EPHB1: variants seen among roughly 807,000 people sequenced by gnomAD.
The protein encoded by EPHB1 is EPH receptor B1.
Under a neutral mutation model 94.4 loss-of-function variants are expected in EPHB1, and 30 were observed. The observed-to-expected ratio is 0.32, with a 90% CI of 0.24 to 0.43. The LOEUF (loss-of-function observed/expected upper bound fraction) is 0.43. EPHB1 is among the 20% of genes least tolerant of loss of function. The pLI is 1.00. For missense variants in EPHB1, 1,055 were observed against 1,308.3 expected, an observed-to-expected ratio of 0.81 and a Z score of 2.99; for synonymous variants, 522 against 489.1, an observed-to-expected ratio of 1.07 and a Z score of -0.89.
chr3:135,211,830 A>G (rs2107716463), intron 12 of EPHB1, among the ~76,000 whole-genome samples: 1 of 152,014 alleles, frequency 6.6e-6, no homozygotes, highest in East Asian at 1.9e-4. Flanking sequence ...CCCCAAATTT[A>G]TCCTGTTTGA....
chr3:135,024,359 G>C lies in EPHB1; in HGVS notation c.805+72307G>C, dbSNP rs2107755998. On this transcript the variant is annotated intron_variant, in intron 3 of 15. Coordinates refer to ENST00000398015, the MANE Select transcript of EPHB1 (RefSeq NM_004441.5). ...TGGGTGGAATGAAAACAGGGCTCTA[G>C]TGTTGCTCTAGTTGTGAAAATACAA... Among the ~76,000 whole-genome samples, 7 of 152,330 alleles carry C rather than the reference G, an allele frequency of 4.6e-5. 1 individual carries two copies. The South Asian group carries it at 1.4e-3, about 32-fold the overall frequency.
intron 5 of EPHB1, among the ~76,000 whole-genome samples, chr3:135,150,999 C>G (rs1368687746): frequency 6.6e-6 from 1 of 152,176 alleles, no homozygotes. Context: ...TCACTTGACT[C>G]TTCTGTTTCT....
chr3:135,202,230 C>T (rs867942768), intron 12 of EPHB1, among the ~76,000 whole-genome samples: 1 of 152,178 alleles, frequency 6.6e-6, no homozygotes, highest in South Asian at 2.1e-4. Context: ...TATCTATATC[C>T]AACTGCCTAG....
chr3:135,177,426 G>T (rs1035894717), intron 9 of EPHB1, among the ~76,000 whole-genome samples: 2 of 152,126 alleles, frequency 1.3e-5, no homozygotes, highest in South Asian at 4.1e-4. Context: ...GCTTTCCCTG[G>T]CCCTGGAGCC....
intron 9 of EPHB1, among the ~76,000 whole-genome samples, chr3:135,178,438 G>A (rs186859280): frequency 1.7e-3 from 244 of 146,772 alleles, no homozygotes; most frequent in African/African-American, 6.0e-3. Context: ...TCCAGCCTGG[G>A]CAACAGAGCA....
At chr3:135,037,277 C>G (rs900252855) in intron 3 of EPHB1, among the ~76,000 whole-genome samples, 2 of 152,202 alleles carry the variant, frequency 1.3e-5, no homozygotes, top group African/African-American at 2.4e-5. Flanking sequence ...AGGAAGAATA[C>G]TGGGATCAGA....
chr3:134,834,060 G>A (rs1171673783), intron 1 of EPHB1, among the ~76,000 whole-genome samples: 2 of 152,082 alleles, frequency 1.3e-5, no homozygotes, highest in Non-Finnish European at 2.9e-5. Flanking sequence ...AAGATGGGGT[G>A]TGGTGGAAAA....
intron 3 of EPHB1, among the ~76,000 whole-genome samples, chr3:135,053,858 G>C (rs1576348907): frequency 6.6e-6 from 1 of 152,178 alleles, no homozygotes; most frequent in East Asian, 1.9e-4. Context: ...TGGGTGTGGT[G>C]GCACGTGCCT....
intron 12 of EPHB1, among the ~76,000 whole-genome samples, chr3:135,203,664 G>A (rs1186477935): frequency 6.6e-6 from 1 of 152,196 alleles, no homozygotes; most frequent in Non-Finnish European, 1.5e-5. Flanking sequence ...TAGTTTACCT[G>A]CACCTGCCCT....
At chr3:135,012,376 G>A (rs1029408650) in intron 3 of EPHB1, among the ~76,000 whole-genome samples, 35 of 152,340 alleles carry the variant, frequency 2.3e-4, no homozygotes, top group Non-Finnish European at 2.9e-5. Context: ...AATAGCACAT[G>A]GTGGCAGTCA....
intron 3 of EPHB1, among the ~76,000 whole-genome samples, chr3:134,960,505 G>A (rs1480712121): frequency 6.6e-6 from 1 of 152,204 alleles, no homozygotes; most frequent in African/African-American, 2.4e-5. Context: ...GTTTAGTCCA[G>A]AAGAGTATGG....
In EPHB1 at chr3:135,012,693, G is replaced by C. The variant is rs566247413; in HGVS notation, c.805+60641G>C. On this transcript the variant is annotated intron_variant, in intron 3 of 15. Transcript: ENST00000398015. ...AATAGAGGGATACATGCCAGGAGGT[G>C]CCTGGCTCTCTGTCCCCACTGCCCT... 2.8e-4 allele frequency among the ~76,000 whole-genome samples: 43 copies of C among 152,264 alleles called. 1 individual carries two copies. The highest frequency in any genetic ancestry group is 9.8e-4 in the Admixed American group (15 of 15,296).
chr3:135,102,072 G>A (rs1939053414), intron 3 of EPHB1, among the ~76,000 whole-genome samples: 1 of 152,208 alleles, frequency 6.6e-6, no homozygotes, highest in Non-Finnish European at 1.5e-5. Context: ...CAGCAGTAGT[G>A]CTGACCGTAA....
At chr3:134,882,765 C>CTTTCTTTCTTTCTTTCTTTCTTTCT (rs1553861895) in intron 1 of EPHB1, among the ~76,000 whole-genome samples, 17 of 79,882 alleles carry the variant, frequency 2.1e-4, no homozygotes, top group African/African-American at 7.6e-4. Flanking sequence ...TTCCTTCCTT[C>CTTTCTTTCTTTCTTTCTTTCTTTCT]CTTTCTTTCT....
intron 3 of EPHB1, among the ~76,000 whole-genome samples, chr3:135,074,796 G>T (rs189651799): frequency 1.4e-4 from 21 of 152,238 alleles, no homozygotes; most frequent in African/African-American, 4.6e-4. Flanking sequence ...ATTTTGGGGA[G>T]CTCTCCTTCT....
intron 2 of EPHB1, among the ~76,000 whole-genome samples, chr3:134,927,626 T>C (rs766950141): frequency 7.2e-5 from 11 of 152,242 alleles, no homozygotes; most frequent in Non-Finnish European, 1.3e-4. Context: ...TTATGGTTAA[T>C]TTTTCCCTTG....
At chr3:135,157,571 C>T (rs1941390331) in intron 6 of EPHB1, among the ~76,000 whole-genome samples, 1 of 152,238 alleles carries the variant, frequency 6.6e-6, no homozygotes, top group African/African-American at 2.4e-5. Flanking sequence ...CTCAGTGAAG[C>T]ATATTATTGT....
At chr3:135,105,994 G>T (rs1331020701) in intron 3 of EPHB1, among the ~76,000 whole-genome samples, 1 of 152,162 alleles carries the variant, frequency 6.6e-6, no homozygotes, top group Non-Finnish European at 1.5e-5. Context: ...AAAACCGTGG[G>T]TCCAACATGT....
chr3:134,887,880 C>T lies in EPHB1; in HGVS notation c.59-37936C>T, dbSNP rs570598591. Among the ~76,000 whole-genome samples, 78 of 152,298 alleles carry T rather than the reference C, an allele frequency of 5.1e-4. 2 individuals are homozygous for T. In the South Asian group the frequency reaches 0.014, roughly 27 times the overall value. ...ACTATTTCCCACTTGGAGGAATTATCTTCTGATTTTCAGGGACCTTCCAGC... is the reference window on the plus strand; with the variant it reads ...ACTATTTCCCACTTGGAGGAATTATTTTCTGATTTTCAGGGACCTTCCAGC... On this transcript the variant is annotated intron_variant, in intron 1 of 15. Coordinates refer to ENST00000398015, the MANE Select transcript of EPHB1 (RefSeq NM_004441.5).
Sources: gnomAD v4.1 joint callset for allele counts (sites outside exome capture counted in the v4.1 genomes callset) on GRCh38, gnomAD v4.1.1 for gene constraint, MANE v1.5 for transcripts, NCBI Gene and HGNC (gene_info 2026-07-23, HGNC 2026-07-21) for gene names.